PRKN: variants seen among roughly 807,000 people sequenced by gnomAD.
The protein encoded by PRKN is E3 ubiquitin-protein ligase parkin.
Under a neutral mutation model 59.5 loss-of-function variants are expected in PRKN, and 56 were observed. That is an observed-to-expected ratio of 0.94 (90% CI 0.76 to 1.18). The LOEUF (loss-of-function observed/expected upper bound fraction) is 1.18. Among genes scored for constraint, PRKN ranks in the 50% most tolerant of loss-of-function variants. The pLI, the probability that PRKN is intolerant of heterozygous loss-of-function variation, is 0.00. For synonymous variants in PRKN, 250 were observed against 222.1 expected (o/e 1.13, Z -1.12); for missense variants, 657 against 596.4 (o/e 1.10, Z -1.06).
intron 5 of PRKN, among the ~76,000 whole-genome samples, chr6:162,026,481 C>T (rs1007886829): frequency 5.9e-5 from 9 of 152,174 alleles, no homozygotes; most frequent in African/African-American, 2.2e-4. Flanking sequence ...CCTGTAAGCT[C>T]TTCATGCATT....
chr6:161,549,855 G>T lies in PRKN; in HGVS notation c.934-852C>A, dbSNP rs1160313932. On this transcript the variant is annotated intron_variant, in intron 8 of 11. Coordinates refer to ENST00000366898, the MANE Select transcript of PRKN (RefSeq NM_004562.3). The surrounding 1 kb of genome is among the most constrained non-coding windows in gnomAD (Gnocchi z 6.0). ...CTATCGAGGCGCTGGGGATACAGCA[G>T]TGAATGAACAAACTTCTCCGCCTTC... Among the ~76,000 whole-genome samples, 1 of 152,196 alleles carries T rather than the reference G, an allele frequency of 6.6e-6. No homozygotes were observed. The highest frequency in any genetic ancestry group is 1.9e-4 in the East Asian group (1 of 5,198).
chr6:161,999,787 G>A (rs529453889), intron 5 of PRKN, among the ~76,000 whole-genome samples: 2 of 152,156 alleles, frequency 1.3e-5, no homozygotes, highest in Admixed American at 6.6e-5. Context: ...AGCTTTAGAG[G>A]ACTTTTTTAC....
intron 7 of PRKN, 123 bp downstream of exon 7, chr6:161,785,649 A>G: frequency 3.2e-6 from 3 of 929,246 alleles, no homozygotes; most frequent in Non-Finnish European, 5.2e-6. Context: ...TTTCATATCC[A>G]GCAATGATCA....
intron 9 of PRKN, among the ~76,000 whole-genome samples, chr6:161,513,364 C>G (rs530975141): frequency 7.5e-4 from 114 of 152,210 alleles, no homozygotes; most frequent in African/African-American, 2.6e-3. Flanking sequence ...CCTCAGCCTC[C>G]CGGGTAGCTG....
chr6:162,659,205 G>A (rs1778785905), intron 1 of PRKN, among the ~76,000 whole-genome samples: 1 of 152,104 alleles, frequency 6.6e-6, no homozygotes, highest in East Asian at 1.9e-4. Context: ...TTCTGGCTAT[G>A]CCTAATTTTA....
chr6:162,666,250 A>G (rs979009668), intron 1 of PRKN, among the ~76,000 whole-genome samples: 10 of 152,166 alleles, frequency 6.6e-5, no homozygotes, highest in Middle Eastern at 3.2e-3. Context: ...GGCATGCTTT[A>G]TAAGTCTGAG....
chr6:162,369,798 T>C (rs987502201), intron 2 of PRKN, among the ~76,000 whole-genome samples: 3 of 152,102 alleles, frequency 2.0e-5, no homozygotes, highest in Non-Finnish European at 2.9e-5. Context: ...CCTTTTCCCC[T>C]ACAAAGCCCG....
chr6:162,510,863 C>A (rs931582322), intron 1 of PRKN, among the ~76,000 whole-genome samples: 2 of 151,990 alleles, frequency 1.3e-5, no homozygotes, highest in Non-Finnish European at 2.9e-5. Context: ...GCAGAGGTTG[C>A]GGTGAGCCGA....
intron 2 of PRKN, among the ~76,000 whole-genome samples, chr6:162,284,751 A>G (rs561154397): frequency 6.6e-6 from 1 of 152,206 alleles, no homozygotes; most frequent in African/African-American, 2.4e-5. Flanking sequence ...GCCACAGACT[A>G]GCAGTTCATC....
At chr6:162,408,287 A>T (rs1002020222) in intron 2 of PRKN, among the ~76,000 whole-genome samples, 1 of 151,992 alleles carries the variant, frequency 6.6e-6, no homozygotes, top group African/African-American at 2.4e-5. Flanking sequence ...TCCCAACTAT[A>T]TTCAGAAAAA....
At chr6:162,695,328 C>T (rs1403741785) in intron 1 of PRKN, among the ~76,000 whole-genome samples, 1 of 152,054 alleles carries the variant, frequency 6.6e-6, no homozygotes, top group Non-Finnish European at 1.5e-5. Flanking sequence ...TAAATACACT[C>T]TCAAGGTTGG....
intron 4 of PRKN, among the ~76,000 whole-genome samples, chr6:162,130,487 C>T (rs1215251117): frequency 6.6e-6 from 1 of 151,984 alleles, no homozygotes; most frequent in Non-Finnish European, 1.5e-5. Flanking sequence ...CAGAATGGCT[C>T]GAATGCCAGT....
rs779121996 is a variant in PRKN, at chr6:161,429,152, A to G, written c.1084-42275T>C. Among the ~76,000 whole-genome samples the G allele has an allele frequency of 1.7e-4, 26 of 152,260 alleles. No individual in the cohort carries two copies. The highest frequency in any genetic ancestry group is 2.8e-4 in the Non-Finnish European group (19 of 68,022). ...TTCCTTCAGAGTGAATGCTCCTATC[A>G]CCTATATCACACTTCATATGATGTA... On this transcript the variant is annotated intron_variant, in intron 9 of 11. Transcript: ENST00000366898. The surrounding 1 kb of genome is among the most constrained non-coding windows in gnomAD (Gnocchi z 4.2).
intron 6 of PRKN, among the ~76,000 whole-genome samples, chr6:161,879,816 T>A (rs1794865271): frequency 6.6e-6 from 1 of 152,230 alleles, no homozygotes; most frequent in Admixed American, 6.5e-5. Flanking sequence ...ATAATCAAAG[T>A]AAAATCACAC....
intron 1 of PRKN, among the ~76,000 whole-genome samples, chr6:162,673,709 A>T (rs1439436956): frequency 1.3e-5 from 2 of 152,198 alleles, no homozygotes; most frequent in African/African-American, 2.4e-5. Context: ...AATGTAAATC[A>T]AAGTAAGAGA....
intron 5 of PRKN, among the ~76,000 whole-genome samples, chr6:162,043,458 T>C (rs954365620): frequency 5.9e-5 from 9 of 152,218 alleles, no homozygotes; most frequent in Non-Finnish European, 1.3e-4. Context: ...GCATAAATGA[T>C]CAGTGAAATT....
chr6:162,574,496 T>A (rs1360837281), intron 1 of PRKN, among the ~76,000 whole-genome samples: 4 of 152,214 alleles, frequency 2.6e-5, no homozygotes, highest in African/African-American at 9.6e-5. Flanking sequence ...GTTTTTATTC[T>A]ACCATTTCAT....
intron 4 of PRKN, among the ~76,000 whole-genome samples, chr6:162,196,240 T>C (rs1259499011): frequency 6.6e-6 from 1 of 152,172 alleles, no homozygotes; most frequent in Non-Finnish European, 1.5e-5. Context: ...AGACTTACCA[T>C]TGCCATGGAG....
intron 2 of PRKN, among the ~76,000 whole-genome samples, chr6:162,351,759 T>C (rs1436237687): frequency 2.6e-5 from 4 of 152,164 alleles, no homozygotes; most frequent in Non-Finnish European, 5.9e-5. Flanking sequence ...GTAACATAGA[T>C]GAATCTCAAA....
Sources: gnomAD v4.1 joint callset for allele counts (sites outside exome capture counted in the v4.1 genomes callset) on GRCh38, gnomAD v4.1.1 for gene constraint, Gnocchi (gnomAD v3.1) non-coding constraint, MANE v1.5 for transcripts, NCBI Gene and HGNC (gene_info 2026-07-23, HGNC 2026-07-21) for gene names.